The following PAF1 variants were observed in gnomAD, a reference collection of about 807,000 sequenced individuals.
PAF1 encodes the protein RNA polymerase II-associated factor 1 homolog.
In PAF1, 31 loss-of-function variants were observed where a neutral mutation model predicts 68.4. The ratio of observed to expected loss-of-function variants is 0.45; its 90% CI spans 0.34 to 0.61. The LOEUF is 0.61. Among genes scored for constraint, PAF1 ranks in the 20% least tolerant of loss-of-function variants. The probability of loss-of-function intolerance (pLI) is 0.01; values close to 1 mark genes in which losing one functional copy is unlikely to be tolerated. For synonymous variants in PAF1, 256 were observed against 240.5 expected, an observed-to-expected ratio of 1.06 and a Z score of -0.60; for missense variants, 435 against 692.9, an observed-to-expected ratio of 0.63 and a Z score of 4.18.
rs1262523405 is a variant in PAF1 at position 39,388,812 on chromosome 19, C to T, written c.690G>A (p.Lys230=). The T allele has an allele frequency of 6.2e-7, 1 of 1,614,158 alleles. No homozygotes were observed. Among genetic ancestry groups the T allele is most frequent in the Non-Finnish European group, 8.5e-7 (1 of 1,180,026 alleles). The change falls in exon 9 of 14, where the codon AAG becomes AAA. Residue 230 remains lysine (K), a synonymous_variant. Transcript: ENST00000221265. ...QVIFDSDPAP[K]DTSGAAALEM... is the part of the protein sequence containing the mutation. ...CCAACGCAGCTGCACCACTCGTGTCCTTGGGGGCTGGGTCTGAGTCAAAGA... is the reference window on the plus strand; with the variant it reads ...CCAACGCAGCTGCACCACTCGTGTCTTTGGGGGCTGGGTCTGAGTCAAAGA...
chr19:39,390,743 G>A (rs2078362249), intron 1 of PAF1, 75 bp downstream of exon 1: 2 of 1,456,436 alleles, frequency 1.4e-6, no homozygotes, highest in African/African-American at 2.8e-5. Context: ...GCAGACCTGG[G>A]GGCTGGTGAC....
At position 39,388,822 on chromosome 19, in the gene PAF1, G is replaced by A; in HGVS notation, c.680C>T (p.Pro227Leu). 6.2e-7 allele frequency: 1 copy of A among 1,614,132 alleles called. No homozygotes were observed. Among genetic ancestry groups the A allele is most frequent in the Non-Finnish European group, 8.5e-7 (1 of 1,179,986 alleles). Residue 227 changes from proline (P) to leucine (L), a missense_variant, in exon 9 of 14, where the codon CCA (proline) becomes CTA (leucine). Pro to Leu is a moderately conservative substitution (Grantham distance 98). This residue lies in a region of PAF1 where 151 missense variants were observed against 306.3 expected (regional missense o/e 0.49). Coordinates refer to ENST00000221265, the MANE Select transcript of PAF1 (RefSeq NM_019088.4). ...TGCACCACTCGTGTCCTTGGGGGCT[G>A]GGTCTGAGTCAAAGATCACCTGAGC... The part of the protein sequence containing the change: ...PCAQVIFDSD[P>L]APKDTSGAAA...
chr19:39,386,320 C>G lies in PAF1; in HGVS notation c.1267G>C (p.Gly423Arg), dbSNP rs201655723. The G allele has an allele frequency of 6.2e-7, 1 of 1,614,196 alleles. No individual in the cohort carries two copies. Among genetic ancestry groups the G allele is most frequent in the Admixed American group, 1.7e-5 (1 of 60,024 alleles). ...TTGTCACTGGCCTCGTCCCTGTCAC[C>G]TTCCTCCCGTTCACTCTCGCTGCCC... is the stretch of plus-strand genomic sequence containing the variant. ...HSGSESEREE[G>R]DRDEASDKSG... The change falls in exon 14 of 14, where the codon GGT (glycine) becomes CGT (arginine). Residue 423 changes from glycine (G) to arginine (R), a missense_variant. Gly to Arg is a moderately radical substitution (Grantham distance 125, BLOSUM62 -2). Around this residue, in one of 7 missense-constraint regions of PAF1, gnomAD observed 78 missense variants for 80.6 expected, o/e 0.97. Transcript: ENST00000221265. This position sits in a 1 kb window ranked among gnomAD's most constrained non-coding sequence, Gnocchi z 6.1.
chr19:39,387,153 A>C (rs2078270339), intron 11 of PAF1: 5 of 430,598 alleles, frequency 1.2e-5, no homozygotes, highest in Non-Finnish European at 2.3e-5. Flanking sequence ...ATAGCCTACT[A>C]CATACCTAGG....
Position 39,389,691 on chromosome 19 carries a change from C to G in PAF1, c.241G>C (p.Gly81Arg). ...KHDLLTEPDL[G>R]VTIDLINPDT... is the part of the protein sequence containing the mutation. ...GGATTGATGAGATCGATGGTGACCC[C>G]CAGGTCTGGCTCAGTCAGGAGGTCA... Residue 81 changes from glycine (G) to arginine (R), a missense_variant, in exon 4 of 14, where the codon GGG becomes CGG. Gly to Arg is a moderately radical substitution (Grantham distance 125). Transcript: ENST00000221265. The surrounding 1 kb of genome is among the most constrained non-coding windows in gnomAD (Gnocchi z 5.3). 2 of 1,614,162 alleles carry G rather than the reference C, an allele frequency of 1.2e-6. No homozygotes were observed. The highest frequency in any genetic ancestry group is 1.7e-6 in the Non-Finnish European group (2 of 1,180,022).
chr19:39,386,142 G>C lies in PAF1; in HGVS notation c.1445C>G (p.Ser482Ter). Residue 482 changes from serine to a stop codon, truncating the protein, a stop_gained, in exon 14 of 14, where the codon TCA becomes TGA. Transcript: ENST00000221265. LOFTEE classifies it high-confidence loss of function. The surrounding 1 kb of genome is among the most constrained non-coding windows in gnomAD (Gnocchi z 6.1). ...GQAQGGSDND[S>*]DSGSNGGGQR... ...GCCACCCCCATTGCTGCCGCTGTCT[G>C]AATCATTGTCACTGCCACCTTGGGC... is the stretch of plus-strand genomic sequence containing the variant. The C allele has an allele frequency of 6.2e-7, 1 of 1,614,174 alleles. No homozygotes were observed. The highest frequency in any genetic ancestry group is 8.5e-7 in the Non-Finnish European group (1 of 1,180,044).
rs369820864 is a variant in PAF1 at position 39,386,346 on chromosome 19, G to A, written c.1241C>T (p.Ser414Leu). 1.7e-5 allele frequency: 27 copies of A among 1,613,984 alleles called. No homozygotes were observed. Among genetic ancestry groups the A allele is most frequent in the African/African-American group, 4.0e-5 (3 of 74,890 alleles). Residue 414 changes from serine (S) to leucine (L), a missense_variant, in exon 14 of 14, where the codon TCG becomes TTG. This residue lies in a region of PAF1 where 78 missense variants were observed against 80.6 expected (regional missense o/e 0.97). Transcript: ENST00000221265. The surrounding 1 kb of genome is among the most constrained non-coding windows in gnomAD (Gnocchi z 6.1). ...TTCCTCCCGTTCACTCTCGCTGCCC[G>A]AGTGCTCATCTTCACTGCCCTCCTT... ...SEKEGSEDEHSGSESEREEGD... is the reference protein window; with the variant it reads ...SEKEGSEDEHLGSESEREEGD...
Position 39,386,083 on chromosome 19 carries a change from G to A in PAF1, c.1504C>T (p.Pro502Ser). 1.2e-6 allele frequency: 2 copies of A among 1,613,960 alleles called. No individual in the cohort carries two copies. The highest frequency in any genetic ancestry group is 1.7e-6 in the Non-Finnish European group (2 of 1,180,016). The change falls in exon 14 of 14, where the codon CCC becomes TCC. Residue 502 changes from proline (P) to serine (S), a missense_variant. Pro to Ser is a moderately conservative substitution (Grantham distance 74). Coordinates refer to ENST00000221265, the MANE Select transcript of PAF1 (RefSeq NM_019088.4). This position sits in a 1 kb window ranked among gnomAD's most constrained non-coding sequence, Gnocchi z 6.1. ...GAGTGCTCGCTGCCACTGGGGAAGG[G>A]ACTGGCGCTGCGGCTGTGGCTCCGG... ...RSRSHSRSAS[P>S]FPSGSEHSAQ...
At chr19:39,388,160 C>CTG (rs1283570997) in intron 11 of PAF1, among the ~76,000 whole-genome samples, 179 bp downstream of exon 11, 2 of 152,024 alleles carry the variant, frequency 1.3e-5, no homozygotes, top group African/African-American at 4.8e-5. Context: ...GATTTTTTTT[C>CTG]TGGCTCCTCC....
chr19:39,386,255 G>A lies in PAF1; in HGVS notation c.1332C>T (p.Ala444=). Residue 444 remains alanine, a synonymous_variant, in exon 14 of 14, where the codon GCC becomes GCT. Transcript: ENST00000221265. This position sits in a 1 kb window ranked among gnomAD's most constrained non-coding sequence, Gnocchi z 6.1. ...SGEDESSEDE[A]RAARDKEEIF... is the part of the protein sequence containing the mutation. ...TCTCCTCTTTGTCACGGGCAGCCCG[G>A]GCCTCATCCTCGCTGCTCTCGTCCT... is the stretch of plus-strand genomic sequence containing the variant. The A allele has an allele frequency of 3.7e-6, 6 of 1,614,060 alleles. No individual in the cohort carries two copies. In the South Asian group the frequency reaches 6.6e-5, roughly 18 times the overall value.
At chr19:39,387,344 A>C in intron 11 of PAF1, 1 of 216,860 alleles carries the variant, frequency 4.6e-6, no homozygotes, top group Non-Finnish European at 1.0e-5. Flanking sequence ...TGTTGACTGA[A>C]ACATGCAGTG....
At position 39,388,752 on chromosome 19, in the gene PAF1, G is replaced by C; in HGVS notation, c.740+10C>G. ...AGGAGCAGGCCAAGGTGGACAGCAG[G>C]ACCACCTACCTAATCATGGCCTGAG... On this transcript the variant is annotated intron_variant, in intron 9 of 13. Coordinates refer to ENST00000221265, the MANE Select transcript of PAF1 (RefSeq NM_019088.4). 1 of 1,611,426 alleles carries C rather than the reference G, an allele frequency of 6.2e-7. No individual in the cohort carries two copies. Among genetic ancestry groups the C allele is most frequent in the Non-Finnish European group, 8.5e-7 (1 of 1,177,554 alleles).
At position 39,385,683 on chromosome 19, in the gene PAF1, A is replaced by G. The variant is rs954064327; in HGVS notation, c.*308T>C. ...TGGGCTTATTTTGGAAAAAAAAAAA[A>G]CAAACAAAAAAAACGAATTCTGACC... is the stretch of plus-strand genomic sequence containing the variant. On this transcript the variant is annotated 3_prime_UTR_variant, in exon 14 of 14. Coordinates refer to ENST00000221265, the MANE Select transcript of PAF1 (RefSeq NM_019088.4). 1.9e-6 allele frequency: 1 copy of G among 535,202 alleles called. No homozygotes were observed. The highest frequency in any genetic ancestry group is 3.3e-6 in the Non-Finnish European group (1 of 305,226). The allele number at this position is 535,202 out of a possible 1,614,324, so 33.2% of individuals were successfully genotyped here. A position where few individuals can be genotyped will look rare whatever the true frequency, so the allele number is the denominator to read the frequency against.
Position 39,390,860 on chromosome 19 carries a change from G to T in PAF1, c.5C>A (p.Ala2Glu). The change falls in exon 1 of 14, where the codon GCG becomes GAG. Residue 2 changes from alanine (A) to glutamate (E), a missense_variant. Coordinates refer to ENST00000221265, the MANE Select transcript of PAF1 (RefSeq NM_019088.4). ...CTGGGCCTGGGTCTGGATGGTGGGCGCCATAGCGACGAGGCGACGGCAGCC... is the reference window on the plus strand; with the variant it reads ...CTGGGCCTGGGTCTGGATGGTGGGCTCCATAGCGACGAGGCGACGGCAGCC... M[A>E]PTIQTQAQRE... is the part of the protein sequence containing the mutation. 6.3e-7 allele frequency: 1 copy of T among 1,582,880 alleles called. No homozygotes were observed. Among genetic ancestry groups the T allele is most frequent in the Non-Finnish European group, 8.6e-7 (1 of 1,164,274 alleles).
chr19:39,386,602 A>G lies in PAF1; in HGVS notation c.1093-30T>C. The G allele has an allele frequency of 6.2e-7, 1 of 1,612,138 alleles. No homozygotes were observed. The highest frequency in any genetic ancestry group is 8.5e-7 in the Non-Finnish European group (1 of 1,178,260). On this transcript the variant is annotated intron_variant, in intron 12 of 13. Transcript: ENST00000221265. The surrounding 1 kb of genome is among the most constrained non-coding windows in gnomAD (Gnocchi z 6.1). ...AAGCAGCAAGATTGGAATGAGGGGA[A>G]GGAGGGTGTTCTGCTGGGTTTTTGT...
Position 39,388,542 on chromosome 19 carries a change from T to C in PAF1, c.857+18A>G. On this transcript the variant is annotated intron_variant, in intron 10 of 13. Transcript: ENST00000221265. ...CCAAAACTTCCCAATCCCCAAAACT[T>C]AACCGCAACCCACGCACACATCATC... 6.2e-7 allele frequency: 1 copy of C among 1,613,836 alleles called. No individual in the cohort carries two copies. The highest frequency in any genetic ancestry group is 1.6e-4 in the Middle Eastern group (1 of 6,062).
intron 8 of PAF1, 35 bp from the exon 9 acceptor site, chr19:39,388,900 C>G: frequency 6.2e-7 from 1 of 1,609,754 alleles, no homozygotes; most frequent in Non-Finnish European, 8.5e-7. Context: ...TAGATGGGAA[C>G]AGGCACAAAT....
chr19:39,390,113 G>T lies in PAF1; in HGVS notation c.126C>A (p.Ile42=), dbSNP rs755600957. 1 of 1,614,098 alleles carries T rather than the reference G, an allele frequency of 6.2e-7. No homozygotes were observed. Among genetic ancestry groups the T allele is most frequent in the Non-Finnish European group, 8.5e-7 (1 of 1,179,972 alleles). Residue 42 remains isoleucine, a synonymous_variant, in exon 3 of 14, where the codon ATC becomes ATA. Coordinates refer to ENST00000221265, the MANE Select transcript of PAF1 (RefSeq NM_019088.4). ...AGGTGATGAACTTGGGGTCGAAGGG[G>T]ATATCAGGGAGGCTATTGCAGTACT... ...RVKYCNSLPD[I]PFDPKFITYP... is the part of the protein sequence containing the mutation.
intron 11 of PAF1, among the ~76,000 whole-genome samples, chr19:39,387,007 T>C (rs1382034398): frequency 6.6e-6 from 1 of 152,196 alleles, no homozygotes; most frequent in African/African-American, 2.4e-5. Context: ...TGGCACCAGT[T>C]TGGTTGCCCT....
Sources: allele counts gnomAD v4.1 joint callset (sites outside exome capture counted in the v4.1 genomes callset), GRCh38; gene constraint gnomAD v4.1.1; regional missense constraint gnomAD v4.1.1; non-coding constraint Gnocchi (gnomAD v3.1); transcripts MANE v1.5; gene names NCBI Gene and HGNC (gene_info 2026-07-23, HGNC 2026-07-21).